The following ENOX2 variants were observed in gnomAD, a reference collection of about 807,000 sequenced individuals.
ENOX2 encodes APK1 antigen.
A neutral mutation model predicts 45.0 loss-of-function variants in ENOX2; 36 were observed. The observed-to-expected ratio is 0.80, with a 90% CI of 0.61 to 1.06. The LOEUF (loss-of-function observed/expected upper bound fraction) is 1.06. Ranked by LOEUF, ENOX2 falls within the 50% of genes least tolerant of loss-of-function variation. ENOX2 has a pLI of 0.00. For missense variants in ENOX2, 423 were observed against 462.5 expected, an observed-to-expected ratio of 0.91 and a Z score of 0.78; for synonymous variants, 174 against 152.3, an observed-to-expected ratio of 1.14 and a Z score of -1.05.
intron 10 of ENOX2, among the ~76,000 whole-genome samples, chrX:130,641,741 A>AAAAC (rs1569478944): frequency 1.9e-5 from 2 of 106,385 alleles, no homozygotes; most frequent in African/African-American, 6.9e-5. Context: ...AAAAAAAAAA[A>AAAAC]GAGAGAATTA....
intron 3 of ENOX2, among the ~76,000 whole-genome samples, chrX:130,713,459 T>C (rs962464050): frequency 2.7e-5 from 3 of 111,707 alleles, no homozygotes; most frequent in Non-Finnish European, 5.6e-5. Context: ...TGGAATACCA[T>C]CAGGCTCCAC....
intron 13 of ENOX2, among the ~76,000 whole-genome samples, chrX:130,629,131 C>T (rs1349190961): frequency 8.9e-6 from 1 of 112,008 alleles, no homozygotes; most frequent in Non-Finnish European, 1.9e-5. Flanking sequence ...GAACTGAGGG[C>T]AGGGCTCAAA....
At chrX:130,651,754 A>G (rs961570961) in intron 10 of ENOX2, among the ~76,000 whole-genome samples, 4 of 111,900 alleles carry the variant, frequency 3.6e-5, no homozygotes, top group African/African-American at 1.3e-4. Flanking sequence ...TTTTGTGATG[A>G]ATAAACAATC....
At chrX:130,727,068 G>C (rs1463125664) in intron 3 of ENOX2, among the ~76,000 whole-genome samples, 6 of 112,281 alleles carry the variant, frequency 5.3e-5, no homozygotes, top group Non-Finnish European at 1.1e-4. Context: ...GAATAAGACA[G>C]TAAGTAAATG....
chrX:130,751,509 A>G (rs894716392), intron 3 of ENOX2, among the ~76,000 whole-genome samples: 2 of 112,024 alleles, frequency 1.8e-5, no homozygotes, highest in Admixed American at 1.9e-4. Context: ...TGCTATGAAC[A>G]TATGCAGCTA....
chrX:130,658,942 G>T (rs1024518200), intron 9 of ENOX2, among the ~76,000 whole-genome samples: 5 of 112,132 alleles, frequency 4.5e-5, no homozygotes, highest in African/African-American at 1.6e-4. Context: ...CTTCAGGAAG[G>T]CATGAAGAAC....
chrX:130,678,908 T>C (rs1284222804), intron 6 of ENOX2, among the ~76,000 whole-genome samples: 4 of 111,610 alleles, frequency 3.6e-5, no homozygotes, highest in Non-Finnish European at 7.5e-5. Flanking sequence ...TGCCAGGTTA[T>C]GTGCTAGATG....
At chrX:130,798,903 G>A (rs931869005) in intron 2 of ENOX2, among the ~76,000 whole-genome samples, 6 of 112,289 alleles carry the variant, frequency 5.3e-5, no homozygotes, top group Admixed American at 1.9e-4. Context: ...GTGGTTTGCC[G>A]ATGTCACCTG....
chrX:130,739,426 G>A (rs1569495374), intron 3 of ENOX2, among the ~76,000 whole-genome samples: 2 of 112,004 alleles, frequency 1.8e-5, no homozygotes, highest in Non-Finnish European at 3.8e-5. Flanking sequence ...TTTGACTTAC[G>A]GTATTTTCAA....
intron 3 of ENOX2, among the ~76,000 whole-genome samples, chrX:130,783,139 A>T (rs2076919934): frequency 1.8e-5 from 2 of 111,869 alleles, no homozygotes; most frequent in African/African-American, 6.5e-5. Flanking sequence ...GCACAGTGAA[A>T]CCATTCACTC....
At chrX:130,887,846 C>G (rs1383439927) in intron 2 of ENOX2, among the ~76,000 whole-genome samples, 2 of 112,132 alleles carry the variant, frequency 1.8e-5, no homozygotes, top group African/African-American at 3.2e-5. Flanking sequence ...CCCACTCTTA[C>G]AGGGCACAGA....
intron 3 of ENOX2, among the ~76,000 whole-genome samples, chrX:130,736,295 G>A (rs896146023): frequency 9.1e-6 from 1 of 109,677 alleles, no homozygotes; most frequent in Non-Finnish European, 1.9e-5. Context: ...GGAGGGGGAG[G>A]TTGCAGGGAG....
chrX:130,715,283 C>T (rs1411166058), intron 3 of ENOX2, among the ~76,000 whole-genome samples: 1 of 111,505 alleles, frequency 9.0e-6, no homozygotes, highest in African/African-American at 3.3e-5. Flanking sequence ...GGTGGTAAAT[C>T]CTGCTAATAA....
At chrX:130,843,176 T>A (rs986533839) in intron 2 of ENOX2, among the ~76,000 whole-genome samples, 1 of 111,514 alleles carries the variant, frequency 9.0e-6, no homozygotes, top group African/African-American at 3.3e-5. Flanking sequence ...TCCTCTCGTG[T>A]TCTCCAAGTC....
intron 4 of ENOX2, among the ~76,000 whole-genome samples, chrX:130,699,105 C>G (rs1276101800): frequency 8.9e-6 from 1 of 112,212 alleles, no homozygotes; most frequent in Middle Eastern, 4.2e-3. Context: ...CTTATTTGAC[C>G]AGCTTCTCAA....
At chrX:130,647,792 G>T (rs2036278519) in intron 10 of ENOX2, among the ~76,000 whole-genome samples, 1 of 109,532 alleles carries the variant, frequency 9.1e-6, no homozygotes, top group Admixed American at 9.8e-5. Flanking sequence ...TTTTTCTTTG[G>T]GCATATTTGT....
intron 4 of ENOX2, among the ~76,000 whole-genome samples, chrX:130,694,698 G>A (rs2037708299): frequency 9.4e-6 from 1 of 106,678 alleles, no homozygotes; most frequent in African/African-American, 3.4e-5. Flanking sequence ...TGCCTCCCGG[G>A]TTCAAGCGAT....
At chrX:130,645,988 T>G (rs2036224078) in intron 10 of ENOX2, 1 of 626,840 alleles carries the variant, frequency 1.6e-6, no homozygotes, top group Non-Finnish European at 2.7e-6. Context: ...ACGGATGAAC[T>G]CAGCTACGTT....
chrX:130,835,592 A>C (rs1252104272), intron 2 of ENOX2, among the ~76,000 whole-genome samples: 1 of 111,621 alleles, frequency 9.0e-6, no homozygotes, highest in Non-Finnish European at 1.9e-5. Flanking sequence ...TTAGCTAGGC[A>C]GAAAGCAGCA....
Sources: gnomAD v4.1 joint callset for allele counts (sites outside exome capture counted in the v4.1 genomes callset) on GRCh38, gnomAD v4.1.1 for gene constraint, MANE v1.5 for transcripts, NCBI Gene and HGNC (gene_info 2026-07-23, HGNC 2026-07-21) for gene names.